The following NR3C2 variants were observed in gnomAD, a reference collection of about 807,000 sequenced individuals.
The protein encoded by NR3C2 is nuclear receptor subfamily 3 group C member 2.
A neutral mutation model predicts 86.4 loss-of-function variants in NR3C2; 15 were observed. The observed-to-expected ratio is 0.17, with a 90% CI of 0.12 to 0.27. NR3C2 has a LOEUF of 0.27. NR3C2 is among the 10% of genes least tolerant of loss of function. The pLI, the probability that NR3C2 is intolerant of heterozygous loss-of-function variation, is 1.00. For synonymous variants in NR3C2, 458 were observed against 450.5 expected (o/e 1.02, Z -0.21); for missense variants, 960 against 1,195.6 (o/e 0.80, Z 2.91).
rs1429786376 is a variant in NR3C2, at chr4:148,079,513, T to G, written c.*1831A>C. On this transcript the variant is annotated 3_prime_UTR_variant, in exon 9 of 9. Coordinates refer to ENST00000358102, the MANE Select transcript of NR3C2 (RefSeq NM_000901.5). Reference sequence around the variant, plus strand: ...AGATTTTGGAAAATAATTAATATGATTTCACTGAGTAAACCTGATGATTAT... The same window carrying G: ...AGATTTTGGAAAATAATTAATATGAGTTCACTGAGTAAACCTGATGATTAT... The G allele has an allele frequency of 6.6e-6, 1 of 152,648 alleles. No individual in the cohort carries two copies. Among genetic ancestry groups the G allele is most frequent in the Non-Finnish European group, 1.5e-5 (1 of 68,044 alleles). The allele number at this position is 152,648 out of a possible 1,614,324, so 9.5% of individuals were successfully genotyped here.
Position 148,393,205 on chromosome 4 carries a change from C to T in NR3C2, c.1757+41899G>A, listed in dbSNP as rs542228634. Among the ~76,000 whole-genome samples the T allele has an allele frequency of 5.9e-5, 9 of 152,200 alleles. No individual in the cohort carries two copies. In the East Asian group the frequency reaches 1.2e-3, roughly 20 times the overall value. ...GGAAGGGAAATGAAATAAATGTGAA[C>T]GCACCTGACATTTTTTAGTAGGGAA... On this transcript the variant is annotated intron_variant, in intron 2 of 8. Transcript: ENST00000358102.
In NR3C2 at chr4:148,109,440, C is replaced by T. The variant is rs187178977; in HGVS notation, c.2799+4664G>A. 2.2e-4 allele frequency among the ~76,000 whole-genome samples: 34 copies of T among 152,336 alleles called. No homozygotes were observed. The East Asian group carries it at 6.4e-3, about 29-fold the overall frequency. On this transcript the variant is annotated intron_variant, in intron 8 of 8. Coordinates refer to ENST00000358102, the MANE Select transcript of NR3C2 (RefSeq NM_000901.5). ...TTACTAAGGACAGACTTTCTGTTTG[C>T]ATTGGCCCACTGGTCCTGGGAATGT...
intron 8 of NR3C2, among the ~76,000 whole-genome samples, chr4:148,111,661 A>C (rs1272282336): frequency 6.6e-6 from 1 of 152,226 alleles, no homozygotes; most frequent in Non-Finnish European, 1.5e-5. Flanking sequence ...AAAACACGAC[A>C]AATTATTTAT....
intron 4 of NR3C2, among the ~76,000 whole-genome samples, chr4:148,156,567 C>G (rs1176247968): frequency 6.6e-6 from 1 of 152,224 alleles, no homozygotes; most frequent in Non-Finnish European, 1.5e-5. Flanking sequence ...CTCATCATCA[C>G]TGGCCATCAG....
chr4:148,415,019 C>G (rs1281659001), intron 2 of NR3C2, among the ~76,000 whole-genome samples: 5 of 152,148 alleles, frequency 3.3e-5, no homozygotes, highest in Non-Finnish European at 2.9e-5. Flanking sequence ...AACTGATTTG[C>G]CTACAGAAAA....
chr4:148,191,542 G>A (rs1367582632), intron 4 of NR3C2, among the ~76,000 whole-genome samples: 1 of 152,148 alleles, frequency 6.6e-6, no homozygotes, highest in African/African-American at 2.4e-5. Context: ...CTGCAAGACC[G>A]GGGAAGTTTT....
intron 4 of NR3C2, among the ~76,000 whole-genome samples, chr4:148,192,297 T>C (rs936145561): frequency 5.3e-5 from 8 of 152,196 alleles, no homozygotes; most frequent in South Asian, 2.1e-4. Context: ...CGGGCTGGCA[T>C]TGGGGGTTGT....
intron 4 of NR3C2, among the ~76,000 whole-genome samples, chr4:148,175,930 G>T (rs1314207290): frequency 6.6e-6 from 1 of 152,192 alleles, no homozygotes; most frequent in African/African-American, 2.4e-5. Flanking sequence ...CAGGAGCTAA[G>T]ACTGCACCAC....
rs927190625 is a variant in NR3C2, at chr4:148,305,560, T to A, written c.1758-45443A>T. Reference sequence around the variant, plus strand: ...TTTCTTAAAAAAAAAAAAAAAAAAATCACGACTTGTGAAACTCCTCTGAAA... The same window carrying A: ...TTTCTTAAAAAAAAAAAAAAAAAAAACACGACTTGTGAAACTCCTCTGAAA... On this transcript the variant is annotated intron_variant, in intron 2 of 8. Transcript: ENST00000358102. 6.0e-5 allele frequency among the ~76,000 whole-genome samples: 8 copies of A among 132,972 alleles called. No individual in the cohort carries two copies. The South Asian group carries it at 1.5e-3, about 24-fold the overall frequency. 87.2% of individuals were successfully genotyped at this position (132,972 alleles called of 152,430 possible).
chr4:148,305,202 TAATAA>T (rs1742553319), intron 2 of NR3C2, among the ~76,000 whole-genome samples: 1 of 152,202 alleles, frequency 6.6e-6, no homozygotes, highest in East Asian at 1.9e-4. Flanking sequence ...ATTTTTCATC[TAATAA>T]ATTCTGAATC....
At chr4:148,395,133 CGT>C (rs1388406887) in intron 2 of NR3C2, among the ~76,000 whole-genome samples, 2 of 151,700 alleles carry the variant, frequency 1.3e-5, no homozygotes, top group Non-Finnish European at 1.5e-5. Flanking sequence ...TAAATACACA[CGT>C]GTGTGTATGT....
chr4:148,411,643 T>C (rs922039887), intron 2 of NR3C2, among the ~76,000 whole-genome samples: 7 of 152,144 alleles, frequency 4.6e-5, no homozygotes, highest in Non-Finnish European at 1.0e-4. Context: ...ACAATGCTAT[T>C]GAGATCTATC....
At chr4:148,102,791 C>T (rs1218321600) in intron 8 of NR3C2, among the ~76,000 whole-genome samples, 1 of 152,238 alleles carries the variant, frequency 6.6e-6, no homozygotes, top group Non-Finnish European at 1.5e-5. Context: ...CAACTAGCCA[C>T]ATGTGGCTGT....
intron 3 of NR3C2, among the ~76,000 whole-genome samples, chr4:148,204,387 G>C (rs963612576): frequency 1.7e-4 from 26 of 152,118 alleles, no homozygotes; most frequent in African/African-American, 5.6e-4. Context: ...ACGTTATTCA[G>C]GGCAGTGGAA....
At chr4:148,299,763 ATTTTT>A (rs770362158) in intron 2 of NR3C2, among the ~76,000 whole-genome samples, 29 of 152,194 alleles carry the variant, frequency 1.9e-4, no homozygotes, top group Non-Finnish European at 2.9e-4. Flanking sequence ...GCTGATTTTT[ATTTTT>A]TTATTTTTTT....
At chr4:148,241,321 AAAAAAAAAAAAAG>A (rs1205802630) in intron 3 of NR3C2, among the ~76,000 whole-genome samples, 1 of 146,726 alleles carries the variant, frequency 6.8e-6, no homozygotes, top group Non-Finnish European at 1.5e-5. Flanking sequence ...AAAAAAAAAA[AAAAAAAAAAAAAG>A]GGGAAAAATA....
chr4:148,129,311 A>T (rs938828199), intron 6 of NR3C2, among the ~76,000 whole-genome samples: 2 of 152,206 alleles, frequency 1.3e-5, no homozygotes, highest in African/African-American at 4.8e-5. Flanking sequence ...AGCTATCTAA[A>T]GTAGTCACAC....
chr4:148,093,172 G>C (rs1421816168), intron 8 of NR3C2, among the ~76,000 whole-genome samples: 4 of 152,218 alleles, frequency 2.6e-5, no homozygotes, highest in African/African-American at 9.7e-5. Context: ...AGAGGAGCCT[G>C]GCAAGGTCAC....
Position 148,080,957 on chromosome 4 carries a change from C to T in NR3C2, c.*387G>A, listed in dbSNP as rs1448612360. 4 of 327,474 alleles carry T rather than the reference C, an allele frequency of 1.2e-5. No individual in the cohort carries two copies. The highest frequency in any genetic ancestry group is 2.4e-5 in the Non-Finnish European group (4 of 164,508). 20.3% of individuals were successfully genotyped at this position (327,474 alleles called of 1,614,324 possible). A position where few individuals can be genotyped will look rare whatever the true frequency, so the allele number is the denominator to read the frequency against. Reference sequence around the variant, plus strand: ...GTTTTATGTGCAAACCAAGGGTAAGCTTTAAAACGTTCGTTAGTCCTTGAA... The same window carrying T: ...GTTTTATGTGCAAACCAAGGGTAAGTTTTAAAACGTTCGTTAGTCCTTGAA... On this transcript the variant is annotated 3_prime_UTR_variant, in exon 9 of 9. Coordinates refer to ENST00000358102, the MANE Select transcript of NR3C2 (RefSeq NM_000901.5).
Sources: gnomAD v4.1 joint callset for allele counts (sites outside exome capture counted in the v4.1 genomes callset) on GRCh38, gnomAD v4.1.1 for gene constraint, MANE v1.5 for transcripts, NCBI Gene and HGNC (gene_info 2026-07-23, HGNC 2026-07-21) for gene names.